CORO7: variants seen among roughly 807,000 people sequenced by gnomAD.
The protein encoded by CORO7 is coronin-7.
CORO7 carries 107 observed loss-of-function variants against 126.6 expected under a neutral mutation model. The ratio of observed to expected loss-of-function variants is 0.85; its 90% CI spans 0.72 to 0.99. The LOEUF (loss-of-function observed/expected upper bound fraction) is 0.99, where lower values mean the gene tolerates loss of function less well. Ranked by LOEUF, CORO7 falls within the 50% of genes least tolerant of loss-of-function variation. The pLI is 0.00. For missense variants in CORO7, 1,314 were observed against 1,255.8 expected (o/e 1.05, Z -0.70); for synonymous variants, 603 against 536.8 (o/e 1.12, Z -1.70).
chr16:4,357,753 G>T, intron 25 of CORO7: 1 of 488,710 alleles, frequency 2.0e-6, no homozygotes. Context: ...CAGTGTGTGC[G>T]TGTGTGTGTG....
At chr16:4,390,980 G>A (rs2055366799) in intron 7 of CORO7, among the ~76,000 whole-genome samples, 1 of 152,224 alleles carries the variant, frequency 6.6e-6, no homozygotes, top group African/African-American at 2.4e-5. Context: ...GTCCAGGTAA[G>A]AGCTTTGTCC....
At chr16:4,364,563 G>C in intron 13 of CORO7, 34 bp downstream of exon 13, 1 of 1,539,646 alleles carries the variant, frequency 6.5e-7, no homozygotes, top group South Asian at 1.2e-5. Flanking sequence ...GGGACTCGGG[G>C]AGGCTGGGAG....
At chr16:4,358,224 G>A (rs2141175175) in intron 24 of CORO7, 121 bp from the exon 25 acceptor site, 1 of 1,535,872 alleles carries the variant, frequency 6.5e-7, no homozygotes, top group Non-Finnish European at 8.8e-7. Context: ...GCTTCCATGA[G>A]TTTCAGCATC....
At chr16:4,408,610 T>C (rs1401770786) in intron 3 of CORO7, among the ~76,000 whole-genome samples, 3 of 152,212 alleles carry the variant, frequency 2.0e-5, no homozygotes, top group Admixed American at 2.0e-4. Flanking sequence ...AGGACTCAAC[T>C]AAGAAATTGC....
intron 9 of CORO7, chr16:4,383,654 C>T (rs1447528493): frequency 1.2e-5 from 2 of 166,156 alleles, no homozygotes; most frequent in African/African-American, 4.8e-5. Context: ...GTGTCCTGAC[C>T]TGGGTGCCAT....
intron 2 of CORO7, 87 bp downstream of exon 2, chr16:4,413,221 A>G: frequency 6.5e-6 from 9 of 1,384,300 alleles, no homozygotes; most frequent in Non-Finnish European, 7.9e-6. Flanking sequence ...CTCCAAATAC[A>G]CCAAGCCTGC....
chr16:4,362,162 T>G lies in CORO7; in HGVS notation c.1403-2A>C. The G allele has an allele frequency of 1.9e-6, 3 of 1,604,426 alleles. No individual in the cohort carries two copies. The African/African-American group carries it at 4.0e-5, about 22-fold the overall frequency. ...CATGGCGGAACTTGGAACTGGGGCC[T>G]GGCAGGTGGCAGGGACATGGAACCA... On this transcript the variant is annotated splice_acceptor_variant, in intron 15 of 27. Transcript: ENST00000251166. LOFTEE classifies it high-confidence loss of function. This position sits in a 1 kb window ranked among gnomAD's most constrained non-coding sequence, Gnocchi z 5.3.
At position 4,388,044 on chromosome 16, in the gene CORO7, A is replaced by G; in HGVS notation, c.727T>C (p.Trp243Arg). 1.2e-6 allele frequency: 2 copies of G among 1,613,070 alleles called. No individual in the cohort carries two copies. The highest frequency in any genetic ancestry group is 8.5e-7 in the Non-Finnish European group (1 of 1,179,890). The change falls in exon 9 of 28, where the codon TGG becomes CGG. Residue 243 changes from tryptophan to arginine, a missense_variant. By Grantham distance (101) the Trp-to-Arg change is moderately radical. Coordinates refer to ENST00000251166, the MANE Select transcript of CORO7 (RefSeq NM_024535.5). The part of the protein sequence containing the change: ...NQMREREVKL[W>R]DTRFFSSALA... ...GCGCTGGAGAAGAACCGCGTGTCCC[A>G]CAGCTTCACTTCGCGCTCACGCATC...
intron 25 of CORO7, chr16:4,357,711 G>A (rs2054023426): frequency 1.8e-6 from 1 of 542,928 alleles, no homozygotes. Context: ...AGTCAATGGA[G>A]CCTCACTGTA....
intron 23 of CORO7, 198 bp downstream of exon 23, chr16:4,359,098 G>T: frequency 1.6e-6 from 1 of 640,334 alleles, no homozygotes; most frequent in Non-Finnish European, 2.6e-6. Context: ...TAATGGTTGA[G>T]TATGACAATG....
intron 9 of CORO7, among the ~76,000 whole-genome samples, chr16:4,376,259 G>A (rs1228412640): frequency 2.6e-5 from 4 of 152,184 alleles, no homozygotes; most frequent in South Asian, 4.1e-4. Flanking sequence ...GAGCCTCCTC[G>A]GACACGTCAG....
chr16:4,377,441 G>A (rs1352628806), intron 9 of CORO7, among the ~76,000 whole-genome samples: 1 of 152,122 alleles, frequency 6.6e-6, no homozygotes, highest in Admixed American at 6.5e-5. Context: ...CAGACCCCAG[G>A]CGGGCGGGAC....
rs549093548 is a variant in CORO7, at chr16:4,379,819, G to A, written c.785+8167C>T. 2.0e-5 allele frequency among the ~76,000 whole-genome samples: 3 copies of A among 147,910 alleles called. No homozygotes were observed. The East Asian group carries it at 6.0e-4, about 30-fold the overall frequency. ...GCACTTTTGGAGGCTGAGGCGGGCA[G>A]ATCACCTGAGGTCAGGAGTTCCAGA... is the stretch of plus-strand genomic sequence containing the variant. On this transcript the variant is annotated intron_variant, in intron 9 of 27. Coordinates refer to ENST00000251166, the MANE Select transcript of CORO7 (RefSeq NM_024535.5).
chr16:4,386,450 G>A (rs1271512807), intron 9 of CORO7, among the ~76,000 whole-genome samples: 2 of 152,186 alleles, frequency 1.3e-5, no homozygotes, highest in Non-Finnish European at 2.9e-5. Flanking sequence ...CTCCACTGGG[G>A]GCCCTGCAGG....
intron 7 of CORO7, among the ~76,000 whole-genome samples, chr16:4,388,857 C>G (rs929884002): frequency 5.7e-4 from 87 of 152,200 alleles, no homozygotes; most frequent in African/African-American, 1.9e-3. Context: ...CAGCTCTGCA[C>G]CCAGAGGCCA....
chr16:4,360,751 C>G (rs2054144257), intron 19 of CORO7, among the ~76,000 whole-genome samples, 192 bp downstream of exon 19: 1 of 148,278 alleles, frequency 6.7e-6, no homozygotes, highest in African/African-American at 2.5e-5. Flanking sequence ...CTAGCCCGGC[C>G]CCTCCTCACC....
intron 4 of CORO7, 62 bp downstream of exon 4, chr16:4,408,119 C>T (rs1308233461): frequency 1.9e-6 from 3 of 1,611,730 alleles, no homozygotes; most frequent in African/African-American, 2.7e-5. Flanking sequence ...GGCGCTGGGG[C>T]TCAGAAGGCC....
chr16:4,401,180 G>GACCC (rs1314079019), intron 6 of CORO7, among the ~76,000 whole-genome samples: 4 of 152,218 alleles, frequency 2.6e-5, no homozygotes, highest in African/African-American at 9.7e-5. Context: ...AGGACAAACA[G>GACCC]AGCTTGTGCT....
chr16:4,388,300 C>A (rs2055266298), intron 8 of CORO7, among the ~76,000 whole-genome samples: 1 of 152,166 alleles, frequency 6.6e-6, no homozygotes, highest in South Asian at 2.1e-4. Context: ...CCTCTGTGTT[C>A]TCGGGTCCCT....
Sources: allele counts gnomAD v4.1 joint callset (sites outside exome capture counted in the v4.1 genomes callset), GRCh38; gene constraint gnomAD v4.1.1; non-coding constraint Gnocchi (gnomAD v3.1); transcripts MANE v1.5; gene names NCBI Gene and HGNC (gene_info 2026-07-23, HGNC 2026-07-21).